ATE1: variants seen among roughly 807,000 people sequenced by gnomAD.
ATE1 encodes the protein arginyl-tRNA--protein transferase 1.
ATE1 carries 36 observed loss-of-function variants against 70.5 expected under a neutral mutation model. The observed-to-expected ratio is 0.51, with a 90% confidence interval of 0.39 to 0.67. The LOEUF (loss-of-function observed/expected upper bound fraction) is 0.67. Ranked by LOEUF, ATE1 falls within the 30% of genes least tolerant of loss-of-function variation. The probability of loss-of-function intolerance (pLI) is 0.00; values close to 1 mark genes in which losing one functional copy is unlikely to be tolerated. For synonymous variants in ATE1, 232 were observed against 219.3 expected (o/e 1.06, Z -0.51); for missense variants, 593 against 629.5 (o/e 0.94, Z 0.62).
chr10:121,789,257 C>T (rs1441715168), intron 11 of ATE1, among the ~76,000 whole-genome samples: 27 of 148,704 alleles, frequency 1.8e-4, no homozygotes, highest in Non-Finnish European at 8.9e-5. Flanking sequence ...GATCATGAAG[C>T]CAGGATCTGA....
chr10:121,764,362 C>CCACTGATTTT (rs1945185319), intron 11 of ATE1, among the ~76,000 whole-genome samples: 1 of 151,790 alleles, frequency 6.6e-6, no homozygotes, highest in Non-Finnish European at 1.5e-5. Flanking sequence ...AAAGGCTGGG[C>CCACTGATTTT]ACAGTGGCTC....
chr10:121,770,672 CTG>C (rs1313397401), intron 11 of ATE1, among the ~76,000 whole-genome samples: 1 of 150,496 alleles, frequency 6.6e-6, no homozygotes, highest in Non-Finnish European at 1.5e-5. Flanking sequence ...CAATAACTCA[CTG>C]TGGTTGATTC....
chr10:121,776,953 G>A (rs1945771903), intron 11 of ATE1, among the ~76,000 whole-genome samples: 1 of 152,204 alleles, frequency 6.6e-6, no homozygotes, highest in Admixed American at 6.5e-5. Flanking sequence ...TGGAAAACAG[G>A]TGGGTACACA....
At chr10:121,768,475 G>A (rs2135851736) in intron 11 of ATE1, among the ~76,000 whole-genome samples, 1 of 152,260 alleles carries the variant, frequency 6.6e-6, no homozygotes, top group Admixed American at 6.5e-5. Context: ...GGGCTGGGCA[G>A]GGGAGGGGGG....
chr10:121,864,754 G>A (rs1055051723), intron 8 of ATE1, among the ~76,000 whole-genome samples: 1 of 151,484 alleles, frequency 6.6e-6, no homozygotes, highest in Non-Finnish European at 1.5e-5. Context: ...TTTTTTTTAA[G>A]GCTTTTTTAG....
intron 11 of ATE1, among the ~76,000 whole-genome samples, chr10:121,760,313 T>C (rs1247022297): frequency 1.3e-5 from 2 of 152,252 alleles, no homozygotes; most frequent in African/African-American, 4.8e-5. Flanking sequence ...ATTCCTCTGA[T>C]AGATCTGGGC....
At chr10:121,897,114 A>G (rs1270127351) in intron 7 of ATE1, among the ~76,000 whole-genome samples, 1 of 152,032 alleles carries the variant, frequency 6.6e-6, no homozygotes, top group Non-Finnish European at 1.5e-5. Flanking sequence ...CTACTAATCC[A>G]ATGGCTAATT....
intron 10 of ATE1, among the ~76,000 whole-genome samples, chr10:121,824,312 C>T (rs558122918): frequency 2.0e-5 from 3 of 152,314 alleles, no homozygotes; most frequent in African/African-American, 7.2e-5. Context: ...AAGTCACCTA[C>T]CACGTGTGTC....
intron 10 of ATE1, among the ~76,000 whole-genome samples, chr10:121,796,840 G>A (rs2133337913): frequency 6.6e-6 from 1 of 152,262 alleles, no homozygotes; most frequent in Non-Finnish European, 1.5e-5. Flanking sequence ...TTGGTTTTTG[G>A]TTAATGGAAT....
At chr10:121,886,032 T>G (rs1273240376) in intron 7 of ATE1, among the ~76,000 whole-genome samples, 3 of 152,162 alleles carry the variant, frequency 2.0e-5, no homozygotes, top group Non-Finnish European at 4.4e-5. Flanking sequence ...TCCAAAAATC[T>G]GAAATCTGAA....
At chr10:121,872,090 C>T (rs1039149228) in intron 7 of ATE1, among the ~76,000 whole-genome samples, 3 of 152,144 alleles carry the variant, frequency 2.0e-5, no homozygotes, top group African/African-American at 4.8e-5. Flanking sequence ...AAGGGTTCTA[C>T]GCTTTTCCCC....
chr10:121,899,201 TTC>T (rs1491415362), intron 7 of ATE1, among the ~76,000 whole-genome samples: 4 of 152,012 alleles, frequency 2.6e-5, no homozygotes, highest in Admixed American at 2.6e-4. Context: ...TCTTTTTTTT[TTC>T]TCTCTCTCCA....
intron 11 of ATE1, among the ~76,000 whole-genome samples, chr10:121,761,512 C>A (rs979351411): frequency 6.6e-6 from 1 of 152,100 alleles, no homozygotes; most frequent in African/African-American, 2.4e-5. Context: ...TAGACTACAG[C>A]ATAATGTAAA....
chr10:121,868,422 C>CTTT (rs200989130), intron 8 of ATE1, among the ~76,000 whole-genome samples: 1 of 152,102 alleles, frequency 6.6e-6, no homozygotes, highest in East Asian at 1.9e-4. Context: ...TTTTTTCACT[C>CTTT]TTTGTTTTTT....
intron 10 of ATE1, among the ~76,000 whole-genome samples, chr10:121,793,752 A>T (rs1220433885): frequency 1.3e-5 from 2 of 152,118 alleles, no homozygotes; most frequent in African/African-American, 2.4e-5. Context: ...ATATGTCACA[A>T]ATCTTTTCCA....
intron 7 of ATE1, among the ~76,000 whole-genome samples, chr10:121,872,774 TG>T (rs748025369): frequency 1.3e-4 from 19 of 151,394 alleles, no homozygotes; most frequent in Non-Finnish European, 2.7e-4. Context: ...TAAAGTCTAT[TG>T]AAAAAAAAAA....
chr10:121,812,209 G>C (rs1248006099), intron 10 of ATE1, among the ~76,000 whole-genome samples: 1 of 151,890 alleles, frequency 6.6e-6, no homozygotes, highest in East Asian at 1.9e-4. Flanking sequence ...ACCTGCTTTG[G>C]CCTCCCAAAG....
At chr10:121,768,370 CTT>C (rs1230879750) in intron 11 of ATE1, among the ~76,000 whole-genome samples, 2 of 151,872 alleles carry the variant, frequency 1.3e-5, no homozygotes, top group African/African-American at 4.8e-5. Context: ...TTAAAAAAAA[CTT>C]AGGTGTAAAT....
At chr10:121,801,271 C>T (rs1306994799) in intron 10 of ATE1, among the ~76,000 whole-genome samples, 1 of 152,172 alleles carries the variant, frequency 6.6e-6, no homozygotes, top group Non-Finnish European at 1.5e-5. Flanking sequence ...CTCAAAGGCT[C>T]CGGGACTTAC....
Sources: gnomAD v4.1 joint callset for allele counts (sites outside exome capture counted in the v4.1 genomes callset) on GRCh38, gnomAD v4.1.1 for gene constraint, MANE v1.5 for transcripts, NCBI Gene and HGNC (gene_info 2026-07-23, HGNC 2026-07-21) for gene names.